The following KIF1B variants were observed in gnomAD, a reference collection of about 807,000 sequenced individuals.
KIF1B encodes kinesin-like protein KIF1B.
A neutral mutation model predicts 241.9 loss-of-function variants in KIF1B; 76 were observed. The observed-to-expected ratio is 0.31, with a 90% CI of 0.26 to 0.38. The LOEUF (loss-of-function observed/expected upper bound fraction) is 0.38, where lower values mean the gene tolerates loss of function less well. Ranked by LOEUF, KIF1B falls within the 10% of genes least tolerant of loss-of-function variation. KIF1B has a pLI of 1.00. For missense variants in KIF1B, 1,622 were observed against 2,271.4 expected (o/e 0.71, Z 5.81); for synonymous variants, 750 against 796.7 (o/e 0.94, Z 0.99).
chr1:10,274,582 G>C (rs1217571387), intron 10 of KIF1B, among the ~76,000 whole-genome samples: 1 of 152,110 alleles, frequency 6.6e-6, no homozygotes, highest in Non-Finnish European at 1.5e-5. Context: ...TTTTACAAGA[G>C]TTACTAGATT....
intron 1 of KIF1B, among the ~76,000 whole-genome samples, chr1:10,229,815 C>T (rs191402985): frequency 1.8e-4 from 25 of 138,532 alleles, no homozygotes; most frequent in Admixed American, 3.8e-4. Flanking sequence ...GAGCCGAGAT[C>T]GCGCCACTGC....
At chr1:10,325,667 A>G (rs935652049) in intron 26 of KIF1B, among the ~76,000 whole-genome samples, 2 of 152,200 alleles carry the variant, frequency 1.3e-5, no homozygotes, top group Non-Finnish European at 2.9e-5. Context: ...TACCCTAGCA[A>G]AGCACATGCT....
At chr1:10,373,287 A>C in intron 45 of KIF1B, among the ~76,000 whole-genome samples, 1 of 132,614 alleles carries the variant, frequency 7.5e-6, no homozygotes, top group African/African-American at 2.9e-5. Context: ...ACAGAGTCTC[A>C]CTCTGTCGCC....
intron 4 of KIF1B, 78 bp from the exon 5 acceptor site, chr1:10,261,826 TA>T: frequency 1.2e-6 from 1 of 859,440 alleles, no homozygotes; most frequent in South Asian, 1.3e-5. Flanking sequence ...GACGTCTGGC[TA>T]ATTCATTGAG....
At chr1:10,298,685 A>C (rs1650386646) in intron 22 of KIF1B, among the ~76,000 whole-genome samples, 1 of 152,200 alleles carries the variant, frequency 6.6e-6, no homozygotes, top group African/African-American at 2.4e-5. Context: ...TGAGAGATCA[A>C]ATGAGGACAG....
chr1:10,343,294 A>G lies in KIF1B; in HGVS notation c.3688+7A>G. 5 of 1,613,822 alleles carry G rather than the reference A, an allele frequency of 3.1e-6. No homozygotes were observed. The highest frequency in any genetic ancestry group is 4.5e-5 in the East Asian group (2 of 44,872). ...ATGCCACTGTCCAAGCCAGGTGAGC[A>G]CTCGCTCCGCTTTTTGCATGATGAT... On this transcript the variant is annotated splice_region_variant and intron_variant, in intron 34 of 48. Coordinates refer to ENST00000676179, the MANE Select transcript of KIF1B (RefSeq NM_001365951.3).
intron 8 of KIF1B, 39 bp from the exon 9 acceptor site, chr1:10,272,202 A>C: frequency 4.3e-6 from 5 of 1,161,402 alleles, no homozygotes; most frequent in Non-Finnish European, 6.5e-6. Flanking sequence ...CAGTAGTAGA[A>C]ATTCTTCATC....
intron 23 of KIF1B, 88 bp from the exon 24 acceptor site, chr1:10,321,621 C>T (rs971068014): frequency 3.5e-6 from 5 of 1,416,154 alleles, no homozygotes; most frequent in Non-Finnish European, 2.0e-6. Flanking sequence ...AAACACCTCA[C>T]CTTGGTAAAA....
intron 17 of KIF1B, 136 bp downstream of exon 17, chr1:10,292,258 G>C (rs1330668629): frequency 2.7e-6 from 2 of 729,776 alleles, no homozygotes; most frequent in Non-Finnish European, 4.9e-6. Flanking sequence ...AGATATTTCT[G>C]ATTTCATCTT....
At chr1:10,255,610 A>G (rs1014440195) in intron 2 of KIF1B, among the ~76,000 whole-genome samples, 6 of 152,132 alleles carry the variant, frequency 3.9e-5, no homozygotes, top group African/African-American at 1.4e-4. Context: ...AGAAATAGAA[A>G]TGTCGTTCAT....
In KIF1B at chr1:10,300,237, A is replaced by AAATAATAATAATAATAATAATAAT. The variant is rs367822978; in HGVS notation, c.2115+2999_2115+3022dup. ...GGGTGATAAAGCTAGACTCAGTGTC[A>AAATAATAATAATAATAATAATAAT]AATAATAATAATAATAATAATAATA... is the stretch of plus-strand genomic sequence containing the variant. On this transcript the variant is annotated intron_variant, in intron 22 of 48. Transcript: ENST00000676179. Among the ~76,000 whole-genome samples, 279 of 143,906 alleles carry AAATAATAATAATAATAATAATAAT rather than the reference A, an allele frequency of 1.9e-3. 1 individual carries two copies. The highest frequency in any genetic ancestry group is 3.6e-3 in the Middle Eastern group (1 of 278). The allele number at this position is 143,906 out of a possible 152,430, so 94.4% of individuals were successfully genotyped here.
At chr1:10,276,900 A>G (rs1569673265) in intron 12 of KIF1B, among the ~76,000 whole-genome samples, 1 of 151,964 alleles carries the variant, frequency 6.6e-6, no homozygotes, top group South Asian at 2.1e-4. Flanking sequence ...GGCCAACATG[A>G]TGAAACCCCA....
rs765206779 is a variant in KIF1B, at chr1:10,303,895, G to A, written c.2115+6649G>A. On this transcript the variant is annotated intron_variant, in intron 22 of 48. Coordinates refer to ENST00000676179, the MANE Select transcript of KIF1B (RefSeq NM_001365951.3). The surrounding 1 kb of genome is among the most constrained non-coding windows in gnomAD (Gnocchi z 5.2). Reference sequence around the variant, plus strand: ...TGGAGAACTTGCAAAAGAAGAACGTGTTTCCCAGCTGATGAATGGGGATCC... The same window carrying A: ...TGGAGAACTTGCAAAAGAAGAACGTATTTCCCAGCTGATGAATGGGGATCC... 1.9e-6 allele frequency: 3 copies of A among 1,614,216 alleles called. No individual in the cohort carries two copies. Among genetic ancestry groups the A allele is most frequent in the Non-Finnish European group, 2.5e-6 (3 of 1,180,038 alleles).
intron 2 of KIF1B, among the ~76,000 whole-genome samples, chr1:10,235,476 C>T (rs1278342628): frequency 1.3e-5 from 2 of 152,304 alleles, no homozygotes; most frequent in African/African-American, 2.4e-5. Flanking sequence ...TGGTCTCCTA[C>T]TCCTGAGCTC....
rs888985746 is a variant in KIF1B, at chr1:10,295,108, A to G, written c.1613A>G (p.Asn538Ser). 5 of 1,607,920 alleles carry G rather than the reference A, an allele frequency of 3.1e-6. No homozygotes were observed. Among genetic ancestry groups the G allele is most frequent in the Non-Finnish European group, 3.4e-6 (4 of 1,174,480 alleles). ...CAGACCCCACATCTTGTTAACCTCAATGAAGACCCACTAATGTCTGAGTGC... is the reference window on the plus strand; with the variant it reads ...CAGACCCCACATCTTGTTAACCTCAGTGAAGACCCACTAATGTCTGAGTGC... Reference protein sequence around the residue: ...PKKTPHLVNLNEDPLMSECLL... With the variant: ...PKKTPHLVNLSEDPLMSECLL... The change falls in exon 18 of 49, where the codon AAT becomes AGT. Residue 538 changes from asparagine (N) to serine (S), a missense_variant. Coordinates refer to ENST00000676179, the MANE Select transcript of KIF1B (RefSeq NM_001365951.3).
chr1:10,214,556 G>C (rs1646737491), intron 1 of KIF1B, among the ~76,000 whole-genome samples: 1 of 150,756 alleles, frequency 6.6e-6, no homozygotes, highest in African/African-American at 2.4e-5. Context: ...CCAAAGTGCT[G>C]GGATTACAGG....
intron 12 of KIF1B, 78 bp from the exon 13 acceptor site, chr1:10,277,908 T>G: frequency 7.9e-7 from 1 of 1,269,304 alleles, no homozygotes; most frequent in Non-Finnish European, 1.1e-6. Flanking sequence ...GATATTTGAT[T>G]TAGAGATAAT....
At chr1:10,261,155 C>T (rs1159093592) in intron 4 of KIF1B, among the ~76,000 whole-genome samples, 5 of 151,232 alleles carry the variant, frequency 3.3e-5, no homozygotes, top group Non-Finnish European at 7.4e-5. Flanking sequence ...TTAGTAGAGA[C>T]GGGGTTTCAC....
At position 10,214,295 on chromosome 1, in the gene KIF1B, C is replaced by CT. The variant is rs1161137584; in HGVS notation, c.-80+3429dup. Among the ~76,000 whole-genome samples the CT allele has an allele frequency of 7.2e-3, 1,043 of 145,790 alleles. 9 individuals are homozygous for CT. Among genetic ancestry groups the CT allele is most frequent in the African/African-American group, 0.023 (907 of 39,944 alleles). On this transcript the variant is annotated intron_variant, in intron 1 of 48. Transcript: ENST00000676179. ...TTACCACTTCTTTCTTTCTTTCTTT[C>CT]TTTTTTTTTTTTAAGACAGAGTCTC... is the stretch of plus-strand genomic sequence containing the variant.
Sources: gnomAD v4.1 joint callset for allele counts (sites outside exome capture counted in the v4.1 genomes callset) on GRCh38, gnomAD v4.1.1 for gene constraint, Gnocchi (gnomAD v3.1) non-coding constraint, MANE v1.5 for transcripts, NCBI Gene and HGNC (gene_info 2026-07-23, HGNC 2026-07-21) for gene names.